Variants in ZDHHC20 observed in about 807,000 individuals in gnomAD.
ZDHHC20 encodes zDHHC palmitoyltransferase 20, also known as palmitoyltransferase ZDHHC20.
ZDHHC20 carries 43 observed loss-of-function variants against 57.8 expected under a neutral mutation model. The ratio of observed to expected loss-of-function variants is 0.74; its 90% confidence interval spans 0.58 to 0.96. ZDHHC20 has a LOEUF of 0.96. Ranked by LOEUF, ZDHHC20 falls within the 40% of genes least tolerant of loss-of-function variation. The probability of loss-of-function intolerance (pLI) is 0.00; values close to 1 mark genes in which losing one functional copy is unlikely to be tolerated. For missense variants in ZDHHC20, 391 were observed against 441.1 expected (o/e 0.89, Z 1.02); for synonymous variants, 157 against 153.0 (o/e 1.03, Z -0.19).
intron 1 of ZDHHC20, among the ~76,000 whole-genome samples, chr13:21,450,706 C>T (rs555797951): frequency 1.3e-4 from 19 of 151,596 alleles, no homozygotes; most frequent in Non-Finnish European, 2.6e-4. Context: ...AAAATTACTA[C>T]ACTCTCGCAT....
At chr13:21,403,294 TA>T (rs5802111) in intron 4 of ZDHHC20, among the ~76,000 whole-genome samples, 79 of 146,080 alleles carry the variant, frequency 5.4e-4, no homozygotes, top group South Asian at 1.3e-3. Context: ...ATAGTTTTAT[TA>T]AAAAAAAAAA....
At chr13:21,430,029 C>T (rs1257783790) in intron 1 of ZDHHC20, among the ~76,000 whole-genome samples, 1 of 152,138 alleles carries the variant, frequency 6.6e-6, no homozygotes, top group Non-Finnish European at 1.5e-5. Flanking sequence ...AAGATAGCTG[C>T]ATTAAAGTCC....
intron 1 of ZDHHC20, among the ~76,000 whole-genome samples, chr13:21,441,548 G>A (rs9509708): frequency 0.1 from 10,473 of 101,544 alleles, 625 homozygotes; most frequent in African/African-American, 0.13. Flanking sequence ...ACCACGCCCG[G>A]CTTTTTTTTT....
At chr13:21,398,635 A>G (rs191533313) in intron 7 of ZDHHC20, among the ~76,000 whole-genome samples, 2 of 152,248 alleles carry the variant, frequency 1.3e-5, no homozygotes, top group Non-Finnish European at 2.9e-5. Flanking sequence ...TCATACAGGA[A>G]TAACAATAGT....
At position 21,421,093 on chromosome 13, in the gene ZDHHC20, T is replaced by C. The variant is rs767712576; in HGVS notation, c.217A>G (p.Ile73Val). 5 of 1,613,090 alleles carry C rather than the reference T, an allele frequency of 3.1e-6. No individual in the cohort carries two copies. Among genetic ancestry groups the C allele is most frequent in the East Asian group, 4.5e-5 (2 of 44,822 alleles). The change falls in exon 3 of 13, where the codon ATT (isoleucine) becomes GTT (valine). Residue 73 changes from isoleucine to valine, a missense_variant. Coordinates refer to ENST00000400590, the MANE Select transcript of ZDHHC20 (RefSeq NM_001330059.2). ...VMFVWSYWMT[I>V]FTSPASPSKE... is the part of the protein sequence containing the mutation. ...GAGGGGGAAGCGGGAGATGTGAAAA[T>C]TGTCATCCAATAGGACCATACAAAC...
intron 7 of ZDHHC20, among the ~76,000 whole-genome samples, chr13:21,399,804 A>T (rs1391373244): frequency 6.6e-6 from 1 of 152,132 alleles, no homozygotes; most frequent in African/African-American, 2.4e-5. Flanking sequence ...TTAATAAAAG[A>T]TCTCAAAGAT....
intron 4 of ZDHHC20, among the ~76,000 whole-genome samples, chr13:21,405,869 A>G (rs1346474504): frequency 6.6e-6 from 1 of 152,168 alleles, no homozygotes; most frequent in Non-Finnish European, 1.5e-5. Context: ...GGAAGGGCTA[A>G]GTTAAGTCCC....
intron 1 of ZDHHC20, among the ~76,000 whole-genome samples, chr13:21,439,073 G>A (rs1259225196): frequency 2.0e-5 from 3 of 152,138 alleles, no homozygotes; most frequent in Non-Finnish European, 4.4e-5. Context: ...TGTATGACTT[G>A]CTTTATTTTG....
intron 4 of ZDHHC20, among the ~76,000 whole-genome samples, chr13:21,413,289 T>C (rs187232859): frequency 1.6e-4 from 24 of 152,248 alleles, no homozygotes; most frequent in Admixed American, 1.5e-3. Context: ...TAGCACACTT[T>C]TGGATTTTTT....
intron 1 of ZDHHC20, among the ~76,000 whole-genome samples, chr13:21,427,312 A>G (rs1881376489): frequency 6.6e-6 from 1 of 152,210 alleles, no homozygotes; most frequent in African/African-American, 2.4e-5. Context: ...AAATAATTAA[A>G]TGACCTTCCT....
chr13:21,437,647 C>A (rs1882690471), intron 1 of ZDHHC20, among the ~76,000 whole-genome samples: 1 of 152,022 alleles, frequency 6.6e-6, no homozygotes, highest in African/African-American at 2.4e-5. Context: ...AGAAATGGAA[C>A]AACAAAACCT....
intron 7 of ZDHHC20, among the ~76,000 whole-genome samples, chr13:21,394,769 T>A (rs1294331266): frequency 1.3e-5 from 2 of 152,180 alleles, no homozygotes; most frequent in African/African-American, 4.8e-5. Flanking sequence ...TGTTGTGAAC[T>A]GAACAAAGGT....
chr13:21,423,728 C>T (rs1880924556), intron 2 of ZDHHC20, among the ~76,000 whole-genome samples: 1 of 150,362 alleles, frequency 6.7e-6, no homozygotes, highest in South Asian at 2.1e-4. Context: ...TTATATATTA[C>T]ATATAATTGC....
chr13:21,433,862 AAT>A (rs1882266463), intron 1 of ZDHHC20, among the ~76,000 whole-genome samples: 1 of 152,210 alleles, frequency 6.6e-6, no homozygotes, highest in African/African-American at 2.4e-5. Flanking sequence ...TTATCCCTAA[AAT>A]ATTTCATGTT....
intron 1 of ZDHHC20, among the ~76,000 whole-genome samples, chr13:21,430,221 G>T (rs1194913808): frequency 6.6e-6 from 1 of 152,096 alleles, no homozygotes; most frequent in South Asian, 2.1e-4. Context: ...CTGACTCCGT[G>T]CAGTGAGAGA....
At chr13:21,442,844 C>T (rs1354950626) in intron 1 of ZDHHC20, among the ~76,000 whole-genome samples, 2 of 151,844 alleles carry the variant, frequency 1.3e-5, no homozygotes, top group Non-Finnish European at 2.9e-5. Flanking sequence ...AATTAGTTCT[C>T]TTCTTTGTTG....
intron 1 of ZDHHC20, among the ~76,000 whole-genome samples, chr13:21,433,121 AC>A (rs1475221069): frequency 6.6e-6 from 1 of 152,096 alleles, no homozygotes; most frequent in African/African-American, 2.4e-5. Flanking sequence ...CCATATAAAT[AC>A]TTACTTATTT....
Position 21,421,062 on chromosome 13 carries a change from T to A in ZDHHC20, c.248A>T (p.Glu83Val). ...IFTSPASPSK[E>V]FYLSNSEKER... ...GTAATTTACCAACATTAAATTTACC[T>A]CTTTGGAGGGGGAAGCGGGAGATGT... The change falls in exon 3 of 13, where the codon GAG becomes GTG. Residue 83 changes from glutamate (E) to valine (V), a missense_variant and splice_region_variant. Glu to Val is a moderately radical substitution (Grantham distance 121). Around this residue, in one of 3 missense-constraint regions of ZDHHC20, gnomAD observed 185 missense variants for 188.0 expected, o/e 0.98. Transcript: ENST00000400590. The A allele has an allele frequency of 6.2e-7, 1 of 1,610,964 alleles. No individual in the cohort carries two copies. The highest frequency in any genetic ancestry group is 8.5e-7 in the Non-Finnish European group (1 of 1,178,282).
intron 1 of ZDHHC20, among the ~76,000 whole-genome samples, chr13:21,443,306 C>T (rs547229983): frequency 6.6e-6 from 1 of 152,118 alleles, no homozygotes; most frequent in Non-Finnish European, 1.5e-5. Flanking sequence ...AGTTGCTATG[C>T]TCTGATCCAC....
Sources: allele counts gnomAD v4.1 joint callset (sites outside exome capture counted in the v4.1 genomes callset), GRCh38; gene constraint gnomAD v4.1.1; regional missense constraint gnomAD v4.1.1; transcripts MANE v1.5; gene names NCBI Gene and HGNC (gene_info 2026-07-23, HGNC 2026-07-21).